C10orf90: variants seen among roughly 807,000 people sequenced by gnomAD.
C10orf90 encodes the protein (E2-independent) E3 ubiquitin-conjugating enzyme FATS.
Under a neutral mutation model 62.5 loss-of-function variants are expected in C10orf90, and 56 were observed. The observed-to-expected ratio is 0.90, with a 90% CI of 0.72 to 1.12. The LOEUF is 1.12. C10orf90 is among the 50% of genes most tolerant of loss of function. The probability of loss-of-function intolerance (pLI) is 0.00; values close to 1 mark genes in which losing one functional copy is unlikely to be tolerated. For synonymous variants in C10orf90, 386 were observed against 340.4 expected (o/e 1.13, Z -1.47); for missense variants, 970 against 880.4 (o/e 1.10, Z -1.29).
intron 2 of C10orf90, among the ~76,000 whole-genome samples, chr10:126,612,934 G>A (rs1337589750): frequency 2.0e-5 from 3 of 152,110 alleles, no homozygotes; most frequent in African/African-American, 4.8e-5. Flanking sequence ...GCTCGCCCTC[G>A]CAGCTCCAAC....
intron 7 of C10orf90, among the ~76,000 whole-genome samples, chr10:126,436,711 G>A (rs749972168): frequency 1.3e-5 from 2 of 152,128 alleles, no homozygotes; most frequent in Non-Finnish European, 2.9e-5. Flanking sequence ...GCCCAGGGTG[G>A]AGTACAGTGG....
chr10:126,478,766 C>T (rs1244475958), intron 4 of C10orf90, among the ~76,000 whole-genome samples: 1 of 151,998 alleles, frequency 6.6e-6, no homozygotes, highest in East Asian at 1.9e-4. Context: ...TGTCCAACAC[C>T]CCTGGCCTTG....
chr10:126,662,951 G>A (rs1846547622), intron 1 of C10orf90, among the ~76,000 whole-genome samples: 1 of 152,206 alleles, frequency 6.6e-6, no homozygotes, highest in Admixed American at 6.5e-5. Context: ...GTGCCTCCTT[G>A]ATCAGATGAT....
intron 2 of C10orf90, among the ~76,000 whole-genome samples, chr10:126,570,130 T>C (rs1844475745): frequency 6.6e-6 from 1 of 152,186 alleles, no homozygotes; most frequent in Non-Finnish European, 1.5e-5. Context: ...CTGATCGTAT[T>C]CTCCCACGTA....
chr10:126,577,149 T>C (rs1483369314), intron 2 of C10orf90, among the ~76,000 whole-genome samples: 1 of 151,942 alleles, frequency 6.6e-6, no homozygotes, highest in Non-Finnish European at 1.5e-5. Flanking sequence ...GGATATTGAA[T>C]ACTCCCAGTA....
At chr10:126,464,612 A>G (rs1240334143) in intron 5 of C10orf90, 84 bp downstream of exon 5, 32 of 1,362,856 alleles carry the variant, frequency 2.3e-5, no homozygotes, top group Admixed American at 1.2e-4. Context: ...CGGTGACAGT[A>G]TGCACGAGGT....
chr10:126,428,363 A>G (rs1031818878), intron 8 of C10orf90, among the ~76,000 whole-genome samples: 2 of 152,172 alleles, frequency 1.3e-5, no homozygotes, highest in African/African-American at 2.4e-5. Context: ...CATTGTTTGC[A>G]TTTTTAACAT....
At chr10:126,528,126 C>T (rs1048170067) in intron 2 of C10orf90, among the ~76,000 whole-genome samples, 2 of 152,086 alleles carry the variant, frequency 1.3e-5, no homozygotes, top group African/African-American at 4.8e-5. Flanking sequence ...TGCCAGGTCC[C>T]AGTATGGCCT....
chr10:126,610,830 GA>G (rs1334496997), intron 2 of C10orf90, among the ~76,000 whole-genome samples: 1 of 152,098 alleles, frequency 6.6e-6, no homozygotes, highest in Non-Finnish European at 1.5e-5. Context: ...GCAGAGAGGA[GA>G]GCTCAAATGA....
At chr10:126,542,644 A>G (rs1250292668) in intron 2 of C10orf90, among the ~76,000 whole-genome samples, 1 of 152,218 alleles carries the variant, frequency 6.6e-6, no homozygotes, top group Non-Finnish European at 1.5e-5. Flanking sequence ...TATTATACGA[A>G]TTTTAACTCA....
intron 1 of C10orf90, among the ~76,000 whole-genome samples, chr10:126,653,855 G>A (rs1256053718): frequency 2.0e-5 from 3 of 152,216 alleles, no homozygotes; most frequent in Non-Finnish European, 4.4e-5. Flanking sequence ...TCTATGGGCT[G>A]CAAAATGGAT....
intron 2 of C10orf90, among the ~76,000 whole-genome samples, chr10:126,535,283 C>G (rs142163101): frequency 6.6e-6 from 1 of 151,466 alleles, no homozygotes; most frequent in Non-Finnish European, 1.5e-5. Context: ...TTTGGGAGGC[C>G]GAGGCAGGCG....
chr10:126,426,097 C>G lies in C10orf90; in HGVS notation c.2253-7G>C. ...CGGCAAGTTATCATAGATTCTGAAA[C>G]AGATTCGGAAAACATTTGGAATGGT... On this transcript the variant is annotated splice_region_variant and splice_polypyrimidine_tract_variant and intron_variant, in intron 8 of 9. Transcript: ENST00000488181. 8 of 1,609,434 alleles carry G rather than the reference C, an allele frequency of 5.0e-6. No individual in the cohort carries two copies. Among genetic ancestry groups the G allele is most frequent in the Non-Finnish European group, 6.8e-6 (8 of 1,175,826 alleles).
intron 2 of C10orf90, among the ~76,000 whole-genome samples, chr10:126,542,453 A>G (rs1376709436): frequency 2.0e-5 from 3 of 152,138 alleles, no homozygotes; most frequent in African/African-American, 7.2e-5. Flanking sequence ...CAGTGAGCTG[A>G]GATTGTGCCA....
intron 2 of C10orf90, among the ~76,000 whole-genome samples, chr10:126,544,315 C>T (rs551669263): frequency 1.3e-5 from 2 of 152,166 alleles, no homozygotes; most frequent in East Asian, 1.9e-4. Context: ...CCTTTGGGTC[C>T]TACCAAGCCC....
intron 3 of C10orf90, among the ~76,000 whole-genome samples, chr10:126,507,213 T>C (rs1321636747): frequency 1.3e-5 from 2 of 151,550 alleles, no homozygotes; most frequent in African/African-American, 4.8e-5. Flanking sequence ...AAAAATTAGC[T>C]GGGCGTGGTG....
At chr10:126,578,472 T>C (rs1318999057) in intron 2 of C10orf90, among the ~76,000 whole-genome samples, 1 of 152,142 alleles carries the variant, frequency 6.6e-6, no homozygotes, top group Non-Finnish European at 1.5e-5. Context: ...AAAGAAACAG[T>C]TGGAAAATGC....
intron 4 of C10orf90, among the ~76,000 whole-genome samples, chr10:126,481,657 T>C (rs1197539377): frequency 2.0e-5 from 3 of 152,138 alleles, no homozygotes; most frequent in Admixed American, 6.6e-5. Flanking sequence ...GGTACCAGCG[T>C]TGGGGCTCAG....
chr10:126,554,192 T>C (rs897335295), intron 2 of C10orf90, among the ~76,000 whole-genome samples: 17 of 152,258 alleles, frequency 1.1e-4, no homozygotes, highest in Middle Eastern at 3.4e-3. Flanking sequence ...GCAGCTATGA[T>C]AAATAATACT....
Sources: gnomAD v4.1 joint callset for allele counts (sites outside exome capture counted in the v4.1 genomes callset) on GRCh38, gnomAD v4.1.1 for gene constraint, MANE v1.5 for transcripts, NCBI Gene and HGNC (gene_info 2026-07-23, HGNC 2026-07-21) for gene names.